MAD1L1: variants seen among roughly 807,000 people sequenced by gnomAD.
MAD1L1 encodes the protein mitotic spindle assembly checkpoint protein MAD1.
MAD1L1 carries 95 observed loss-of-function variants against 96.9 expected under a neutral mutation model. That is an observed-to-expected ratio of 0.98 (90% CI 0.83 to 1.16). The LOEUF is 1.16. Ranked by LOEUF, MAD1L1 falls within the 50% of genes most tolerant of loss-of-function variation. The pLI, the probability that MAD1L1 is intolerant of heterozygous loss-of-function variation, is 0.00. For missense variants in MAD1L1, 1,007 were observed against 954.4 expected, an observed-to-expected ratio of 1.06 and a Z score of -0.73; for synonymous variants, 473 against 396.6, an observed-to-expected ratio of 1.19 and a Z score of -2.29.
At chr7:2,132,431 C>T (rs10256815) in intron 11 of MAD1L1, among the ~76,000 whole-genome samples, 8,068 of 70,060 alleles carry the variant, frequency 0.12, 313 homozygotes, top group South Asian at 0.16. Context: ...TGCGTGCGAC[C>T]GCGCGTCCAC....
At chr7:2,223,681 A>T (rs907575971) in intron 4 of MAD1L1, 1 of 152,256 alleles carries the variant, frequency 6.6e-6, no homozygotes, top group African/African-American at 2.4e-5. Flanking sequence ...GGGCTGCCTC[A>T]CAACAACCAA....
In MAD1L1 at chr7:2,224,858, C is replaced by T. The variant is rs138619566; in HGVS notation, c.291+552G>A. Among the ~76,000 whole-genome samples the T allele has an allele frequency of 3.4e-3, 525 of 152,254 alleles. 1 individual carries two copies. The highest frequency in any genetic ancestry group is 0.012 in the African/African-American group (495 of 41,542). On this transcript the variant is annotated intron_variant, in intron 4 of 18. Transcript: ENST00000265854. ...AGCAACACAGAGCCGCCATTGAGAC[C>T]GGCACCCTTTGCTAGGGCCCTCCAA... is the stretch of plus-strand genomic sequence containing the variant.
intron 18 of MAD1L1, among the ~76,000 whole-genome samples, chr7:1,878,491 G>T (rs1196047303): frequency 2.6e-5 from 4 of 151,556 alleles, no homozygotes; most frequent in South Asian, 4.2e-4. Context: ...TGCAAGTTAG[G>T]TTTAACATTA....
chr7:2,047,715 A>C (rs1189844442), intron 12 of MAD1L1, among the ~76,000 whole-genome samples: 3 of 152,188 alleles, frequency 2.0e-5, no homozygotes, highest in Non-Finnish European at 4.4e-5. Context: ...GCTCAGACAC[A>C]TGCACACACA....
chr7:1,982,496 G>A (rs1273935226), intron 14 of MAD1L1, among the ~76,000 whole-genome samples: 1 of 152,174 alleles, frequency 6.6e-6, no homozygotes, highest in Non-Finnish European at 1.5e-5. Flanking sequence ...GGCGTGAGCC[G>A]CCGCGCCCAG....
At chr7:1,960,248 A>T (rs1156772068) in intron 15 of MAD1L1, among the ~76,000 whole-genome samples, 1 of 144,562 alleles carries the variant, frequency 6.9e-6, no homozygotes, top group Non-Finnish European at 1.5e-5. Flanking sequence ...AAAAGGTAAA[A>T]AGAAAAAAAA....
At chr7:2,186,403 A>G (rs142702218) in intron 10 of MAD1L1, among the ~76,000 whole-genome samples, 158 of 152,372 alleles carry the variant, frequency 1.0e-3, no homozygotes, top group Admixed American at 3.7e-3. Flanking sequence ...AAGTAACTCA[A>G]TCCAAGGGAA....
intron 16 of MAD1L1, 32 bp downstream of exon 16, chr7:1,957,597 A>C: frequency 6.3e-7 from 1 of 1,599,260 alleles, no homozygotes; most frequent in Middle Eastern, 1.7e-4. Context: ...AGGCCCAGGC[A>C]GTGCCTCACC....
Position 2,081,889 on chromosome 7 carries a change from G to T in MAD1L1, c.1074-12551C>A, listed in dbSNP as rs1038193744. 2.6e-5 allele frequency among the ~76,000 whole-genome samples: 4 copies of T among 152,342 alleles called. No homozygotes were observed. In the East Asian group the frequency reaches 7.7e-4, roughly 29 times the overall value. ...GGCCAACAGAGATCACGGGACCCCT[G>T]GGGAGACAGCAGGGCACGCCTGACA... On this transcript the variant is annotated intron_variant, in intron 11 of 18. Coordinates refer to ENST00000265854, the MANE Select transcript of MAD1L1 (RefSeq NM_001013836.2).
intron 17 of MAD1L1, among the ~76,000 whole-genome samples, chr7:1,910,670 C>G (rs1010557319): frequency 2.0e-5 from 3 of 152,218 alleles, no homozygotes; most frequent in Non-Finnish European, 4.4e-5. Context: ...CGTGTTTGCC[C>G]GTGTCCTGGC....
At chr7:1,883,986 C>T (rs1237515397) in intron 18 of MAD1L1, among the ~76,000 whole-genome samples, 2 of 152,190 alleles carry the variant, frequency 1.3e-5, no homozygotes, top group East Asian at 1.9e-4. Flanking sequence ...CCGCAGGCCC[C>T]GCGCTGCACA....
At chr7:1,970,387 G>A (rs949896106) in intron 15 of MAD1L1, among the ~76,000 whole-genome samples, 1 of 137,270 alleles carries the variant, frequency 7.3e-6, no homozygotes, top group African/African-American at 2.8e-5. Context: ...AGGTTGGAGT[G>A]CAGTGGCACG....
chr7:1,837,597 C>G (rs1420022031), intron 18 of MAD1L1, among the ~76,000 whole-genome samples: 1 of 152,240 alleles, frequency 6.6e-6, no homozygotes, highest in African/African-American at 2.4e-5. Flanking sequence ...ATCCGTATGA[C>G]TGTAAAGGGA....
chr7:2,105,756 C>T (rs1180340613), intron 11 of MAD1L1, among the ~76,000 whole-genome samples: 1 of 152,086 alleles, frequency 6.6e-6, no homozygotes, highest in Admixed American at 6.5e-5. Context: ...ACCAGAAAGT[C>T]CAGGCACGTG....
chr7:1,944,076 A>C (rs1779118734), intron 16 of MAD1L1, among the ~76,000 whole-genome samples: 1 of 152,064 alleles, frequency 6.6e-6, no homozygotes, highest in Admixed American at 6.5e-5. Flanking sequence ...TTCCCAGGAA[A>C]TGCTGGTAAT....
intron 17 of MAD1L1, among the ~76,000 whole-genome samples, chr7:1,928,529 A>G (rs1478978904): frequency 1.3e-5 from 2 of 152,230 alleles, no homozygotes; most frequent in Non-Finnish European, 1.5e-5. Flanking sequence ...GGCAGGACCC[A>G]GGCAGACGAT....
intron 15 of MAD1L1, among the ~76,000 whole-genome samples, chr7:1,962,355 C>T (rs1779989445): frequency 6.6e-6 from 1 of 152,214 alleles, no homozygotes; most frequent in Non-Finnish European, 1.5e-5. Context: ...TCCATTCAAT[C>T]TCTTTTTCTT....
intron 14 of MAD1L1, among the ~76,000 whole-genome samples, chr7:1,987,834 C>T (rs1269203655): frequency 6.6e-6 from 1 of 152,224 alleles, no homozygotes; most frequent in Non-Finnish European, 1.5e-5. Context: ...TCACAGGCAC[C>T]TGTGCCTCCA....
chr7:2,132,054 G>A (rs1788534989), intron 11 of MAD1L1, among the ~76,000 whole-genome samples: 1 of 152,220 alleles, frequency 6.6e-6, no homozygotes. Context: ...CAGTGAGGCT[G>A]ACTCAGGAGG....
Sources: gnomAD v4.1 joint callset for allele counts (sites outside exome capture counted in the v4.1 genomes callset) on GRCh38, gnomAD v4.1.1 for gene constraint, MANE v1.5 for transcripts, NCBI Gene and HGNC (gene_info 2026-07-23, HGNC 2026-07-21) for gene names.